CSMD1: variants seen among roughly 807,000 people sequenced by gnomAD.
CSMD1 encodes CUB and Sushi multiple domains 1.
A neutral mutation model predicts 417.5 loss-of-function variants in CSMD1; 213 were observed. The ratio of observed to expected loss-of-function variants is 0.51; its 90% CI spans 0.46 to 0.57. The LOEUF (loss-of-function observed/expected upper bound fraction) is 0.57, where lower values mean the gene tolerates loss of function less well. CSMD1 is among the 20% of genes least tolerant of loss of function. The pLI is 0.00. For missense variants in CSMD1, 6,923 were observed against 4,529.7 expected, an observed-to-expected ratio of 1.53 and a Z score of -15.17; for synonymous variants, 2,862 against 1,736.8, an observed-to-expected ratio of 1.65 and a Z score of -16.11.
At chr8:4,214,587 T>C (rs1280125363) in intron 3 of CSMD1, among the ~76,000 whole-genome samples, 2 of 152,176 alleles carry the variant, frequency 1.3e-5, no homozygotes, top group African/African-American at 4.8e-5. Flanking sequence ...CATGAGCCAC[T>C]GTGCCTGGCC....
At chr8:3,669,347 A>T (rs1348457867) in intron 7 of CSMD1, among the ~76,000 whole-genome samples, 1 of 152,140 alleles carries the variant, frequency 6.6e-6, no homozygotes, top group Non-Finnish European at 1.5e-5. Context: ...CCCATGCTTC[A>T]GAGCCTGCCT....
At chr8:3,859,800 C>A (rs919473001) in intron 5 of CSMD1, among the ~76,000 whole-genome samples, 1 of 152,146 alleles carries the variant, frequency 6.6e-6, no homozygotes, top group Non-Finnish European at 1.5e-5. Context: ...GTCAATGCAT[C>A]CTGATTCCGC....
intron 1 of CSMD1, among the ~76,000 whole-genome samples, chr8:4,846,897 C>A (rs1801178686): frequency 6.6e-6 from 1 of 151,970 alleles, no homozygotes; most frequent in Non-Finnish European, 1.5e-5. Flanking sequence ...GTGAAACTTA[C>A]TGGAAACTAA....
chr8:4,976,169 G>C (rs1267827372), intron 1 of CSMD1, among the ~76,000 whole-genome samples: 2 of 152,164 alleles, frequency 1.3e-5, no homozygotes, highest in South Asian at 2.1e-4. Flanking sequence ...GGAGCAGAGA[G>C]ACAAGGGCTG....
chr8:4,695,927 A>G (rs1178623103), intron 1 of CSMD1, among the ~76,000 whole-genome samples: 2 of 152,230 alleles, frequency 1.3e-5, no homozygotes, highest in Admixed American at 6.5e-5. Flanking sequence ...TAAAATTACC[A>G]TAGGATCTAC....
intron 1 of CSMD1, among the ~76,000 whole-genome samples, chr8:4,949,571 A>C (rs1726172767): frequency 6.6e-6 from 1 of 152,158 alleles, no homozygotes; most frequent in African/African-American, 2.4e-5. Context: ...TCTGGTATCC[A>C]GTGATGCTGC....
At chr8:4,918,335 C>T (rs1347307040) in intron 1 of CSMD1, among the ~76,000 whole-genome samples, 1 of 152,168 alleles carries the variant, frequency 6.6e-6, no homozygotes, top group African/African-American at 2.4e-5. Context: ...CCTTCTCTCT[C>T]TTTTCTTTTT....
At position 3,981,843 on chromosome 8, in the gene CSMD1, C is replaced by T. The variant is rs534154365; in HGVS notation, c.818+16060G>A. On this transcript the variant is annotated intron_variant, in intron 5 of 69. Transcript: ENST00000635120. Reference sequence around the variant, plus strand: ...TTCAGTGAGTCAGCAGGAGGGCGTGCACTTGCTGCAGGGAGTAATGCAGCT... The same window carrying T: ...TTCAGTGAGTCAGCAGGAGGGCGTGTACTTGCTGCAGGGAGTAATGCAGCT... Among the ~76,000 whole-genome samples, 25 of 152,254 alleles carry T rather than the reference C, an allele frequency of 1.6e-4. No individual in the cohort carries two copies. The South Asian group carries it at 4.8e-3, about 29-fold the overall frequency.
intron 26 of CSMD1, among the ~76,000 whole-genome samples, chr8:3,265,571 G>C (rs1801374197): frequency 6.6e-6 from 1 of 152,120 alleles, no homozygotes; most frequent in South Asian, 2.1e-4. Context: ...GGAATTTGAA[G>C]GCTCAAAAAC....
intron 3 of CSMD1, among the ~76,000 whole-genome samples, chr8:4,074,673 T>C (rs2554691): frequency 0.11 from 17,433 of 152,016 alleles, 1,253 homozygotes; most frequent in South Asian, 0.35. Flanking sequence ...TTGACAATGG[T>C]ACGTTAAAAT....
At chr8:4,961,733 CTGAG>C (rs1334264513) in intron 1 of CSMD1, among the ~76,000 whole-genome samples, 2 of 151,892 alleles carry the variant, frequency 1.3e-5, no homozygotes, top group Admixed American at 6.6e-5. Context: ...TGATATTTTT[CTGAG>C]TTTCACAACA....
At chr8:3,959,817 G>C (rs1159347519) in intron 5 of CSMD1, among the ~76,000 whole-genome samples, 3 of 152,134 alleles carry the variant, frequency 2.0e-5, no homozygotes, top group African/African-American at 4.8e-5. Flanking sequence ...GCACCTTCTG[G>C]CATTATACAC....
chr8:4,222,375 AGCTTCC>A (rs1176965561), intron 3 of CSMD1, among the ~76,000 whole-genome samples: 1 of 336 alleles, frequency 3.0e-3, no homozygotes, highest in African/African-American at 0.011. Context: ...CAGAATAAGA[AGCTTCC>A]ATCTTATTCT....
chr8:4,299,092 G>A (rs1797842139), intron 3 of CSMD1, among the ~76,000 whole-genome samples: 1 of 152,066 alleles, frequency 6.6e-6, no homozygotes, highest in African/African-American at 2.4e-5. Flanking sequence ...ATAATATAAG[G>A]AGGGAAGAAG....
At chr8:4,070,169 T>G (rs1027878915) in intron 3 of CSMD1, among the ~76,000 whole-genome samples, 1 of 152,172 alleles carries the variant, frequency 6.6e-6, no homozygotes, top group Non-Finnish European at 1.5e-5. Flanking sequence ...AAGAATGCAA[T>G]TTTAGAGGTG....
chr8:4,051,887 C>CCTCCTTT (rs57805638), intron 3 of CSMD1, among the ~76,000 whole-genome samples: 80,122 of 133,114 alleles, frequency 0.6, 23,753 homozygotes, highest in Non-Finnish European at 0.65. Flanking sequence ...TTTCTTCCTT[C>CCTCCTTT]CTTCCTTCCT....
intron 25 of CSMD1, among the ~76,000 whole-genome samples, chr8:3,296,910 G>A (rs80123879): frequency 0.037 from 5,684 of 152,220 alleles, 172 homozygotes; most frequent in Admixed American, 0.091. Context: ...AGCTGTTCAC[G>A]TAAGTTGGAG....
intron 2 of CSMD1, among the ~76,000 whole-genome samples, chr8:4,459,546 G>C (rs1451052090): frequency 6.6e-6 from 1 of 152,210 alleles, no homozygotes; most frequent in East Asian, 1.9e-4. Context: ...GGAGCCTGGT[G>C]CTTTCACTAG....
At chr8:3,481,651 A>C (rs937765694) in intron 11 of CSMD1, among the ~76,000 whole-genome samples, 5 of 152,182 alleles carry the variant, frequency 3.3e-5, no homozygotes, top group Non-Finnish European at 7.3e-5. Context: ...CCTAAATGCC[A>C]CCACTAGTAT....
Sources: allele counts gnomAD v4.1 joint callset (sites outside exome capture counted in the v4.1 genomes callset), GRCh38; gene constraint gnomAD v4.1.1; transcripts MANE v1.5; gene names NCBI Gene and HGNC (gene_info 2026-07-23, HGNC 2026-07-21).